The following NAA11 variants were observed in gnomAD, a reference collection of about 807,000 sequenced individuals.
NAA11 encodes N-alpha-acetyltransferase 11.
A neutral mutation model predicts 16.1 loss-of-function variants in NAA11; 15 were observed. The observed-to-expected ratio is 0.93, with a 90% CI of 0.62 to 1.44. The LOEUF is 1.44. Ranked by LOEUF, NAA11 falls within the 40% of genes most tolerant of loss-of-function variation. The pLI, the probability that NAA11 is intolerant of heterozygous loss-of-function variation, is 0.00. For synonymous variants in NAA11, 122 were observed against 112.4 expected (o/e 1.09, Z -0.54); for missense variants, 298 against 291.3 (o/e 1.02, Z -0.17).
At chr4:79,319,220 G>A (rs933672920) in intron 1 of NAA11, among the ~76,000 whole-genome samples, 1 of 152,146 alleles carries the variant, frequency 6.6e-6, no homozygotes, top group Admixed American at 6.5e-5. Flanking sequence ...GAGCCGCTGT[G>A]CCCACCCCAA....
chr4:79,282,900 G>A (rs769856353), intron 2 of NAA11, among the ~76,000 whole-genome samples: 5 of 152,022 alleles, frequency 3.3e-5, no homozygotes, highest in Admixed American at 6.6e-5. Flanking sequence ...GAGGCTTTCC[G>A]GTATTTCAAA....
chr4:79,171,468 A>G, the NAA11 span, among the ~76,000 whole-genome samples: 1 of 152,174 alleles, frequency 6.6e-6, no homozygotes, highest in East Asian at 1.9e-4. Context: ...GTTCTTTATA[A>G]ATTACCCAGT....
chr4:79,248,328 C>A (rs916308008), intron 2 of NAA11, among the ~76,000 whole-genome samples: 1 of 152,108 alleles, frequency 6.6e-6, no homozygotes, highest in Non-Finnish European at 1.5e-5. Flanking sequence ...ACACACACAC[C>A]CATAACCAAC....
intron 2 of NAA11, among the ~76,000 whole-genome samples, chr4:79,241,316 C>A (rs564489950): frequency 1.3e-5 from 2 of 152,140 alleles, no homozygotes; most frequent in Non-Finnish European, 2.9e-5. Flanking sequence ...ATATAACATA[C>A]AAAATATACG....
Position 79,245,341 on chromosome 4 carries a change from G to A in NAA11, c.*123-19071C>T, listed in dbSNP as rs187584999. ...ACCCATCATCTGGGATGTGGGGAGC[G>A]CCTCTGCCCGGCCGCCCTGTCTGGG... On this transcript the variant is annotated intron_variant and NMD_transcript_variant, in intron 2 of 2. Coordinates refer to the NAA11 transcript ENST00000511542. 378 of 152,500 alleles carry A rather than the reference G, an allele frequency of 2.5e-3. 3 individuals are homozygous for A. The highest frequency in any genetic ancestry group is 8.7e-3 in the African/African-American group (349 of 40,092). 9.4% of individuals were successfully genotyped at this position (152,500 alleles called of 1,614,324 possible). A position where few individuals can be genotyped will look rare whatever the true frequency, so the allele number is the denominator to read the frequency against.
At chr4:79,229,952 A>G (rs1721417053) in intron 2 of NAA11, among the ~76,000 whole-genome samples, 2 of 151,960 alleles carry the variant, frequency 1.3e-5, no homozygotes, top group Admixed American at 6.6e-5. Context: ...TACCTAGTCT[A>G]TATTTTCTAT....
At chr4:79,162,690 T>C in the NAA11 span, among the ~76,000 whole-genome samples, 1 of 152,234 alleles carries the variant, frequency 6.6e-6, no homozygotes, top group South Asian at 2.1e-4. Context: ...CTGAGTCAAC[T>C]TGAGATTATA....
At chr4:79,159,217 C>A in the NAA11 span, among the ~76,000 whole-genome samples, 1 of 152,114 alleles carries the variant, frequency 6.6e-6, no homozygotes, top group East Asian at 1.9e-4. Flanking sequence ...GCAGAATCTA[C>A]AAGGAACTCA....
intron 2 of NAA11, among the ~76,000 whole-genome samples, chr4:79,246,132 G>A (rs1387132367): frequency 6.6e-6 from 1 of 152,100 alleles, no homozygotes; most frequent in East Asian, 1.9e-4. Flanking sequence ...AATGGATTAA[G>A]GGCAGTGCAA....
At chr4:79,207,638 G>A in the NAA11 span, among the ~76,000 whole-genome samples, 2 of 152,100 alleles carry the variant, frequency 1.3e-5, no homozygotes, top group African/African-American at 4.8e-5. Context: ...GGCAGCCTGA[G>A]CAGACTAATA....
chr4:79,202,235 A>T, the NAA11 span, among the ~76,000 whole-genome samples: 2 of 151,550 alleles, frequency 1.3e-5, no homozygotes, highest in Non-Finnish European at 3.0e-5. Flanking sequence ...AAAATGTGGA[A>T]TGTATGTATA....
In NAA11 at chr4:79,243,349, T is replaced by C. The variant is rs577612818; in HGVS notation, c.*123-17079A>G. Among the ~76,000 whole-genome samples the C allele has an allele frequency of 4.9e-4, 75 of 152,352 alleles. 1 individual carries two copies. The highest frequency in any genetic ancestry group is 7.5e-4 in the Non-Finnish European group (51 of 68,034). On this transcript the variant is annotated intron_variant and NMD_transcript_variant, in intron 2 of 2. Coordinates refer to the NAA11 transcript ENST00000511542. ...TTTCCTCAATTATCTTGAAAAGATC[T>C]TGACAAAATTGTCATATGGGATTCA...
chr4:79,180,998 C>T, the NAA11 span, among the ~76,000 whole-genome samples: 1 of 151,988 alleles, frequency 6.6e-6, no homozygotes, highest in Non-Finnish European at 1.5e-5. Flanking sequence ...CCAAACACCG[C>T]ATGTTCTCAC....
At chr4:79,240,682 C>T (rs1721672070) in intron 2 of NAA11, among the ~76,000 whole-genome samples, 1 of 152,006 alleles carries the variant, frequency 6.6e-6, no homozygotes, top group Admixed American at 6.6e-5. Context: ...GCTTCTTATG[C>T]CACTGAAAAA....
intron 2 of NAA11, among the ~76,000 whole-genome samples, chr4:79,248,909 G>A (rs1016759663): frequency 6.6e-6 from 1 of 152,204 alleles, no homozygotes; most frequent in Non-Finnish European, 1.5e-5. Flanking sequence ...AGTGATTACA[G>A]ATCCCACTAC....
the NAA11 span, among the ~76,000 whole-genome samples, chr4:79,209,109 C>T: frequency 1.3e-5 from 2 of 151,926 alleles, no homozygotes; most frequent in Non-Finnish European, 2.9e-5. Context: ...GTGAGAAGTT[C>T]GTGGGCTGAA....
chr4:79,193,361 T>C, the NAA11 span, among the ~76,000 whole-genome samples: 1 of 152,204 alleles, frequency 6.6e-6, no homozygotes, highest in South Asian at 2.1e-4. Flanking sequence ...GTTTTAGGTC[T>C]AACATGTAAG....
intron 2 of NAA11, among the ~76,000 whole-genome samples, chr4:79,234,524 T>C (rs529304605): frequency 1.3e-5 from 2 of 152,290 alleles, no homozygotes; most frequent in East Asian, 3.9e-4. Context: ...ACCTTTGTTT[T>C]TGGGTTCATG....
chr4:79,247,563 C>A (rs547705838), intron 2 of NAA11, among the ~76,000 whole-genome samples: 5 of 152,220 alleles, frequency 3.3e-5, no homozygotes, highest in African/African-American at 1.2e-4. Flanking sequence ...ACATAGCCAA[C>A]TAAATACAGC....
Sources: allele counts gnomAD v4.1 joint callset (sites outside exome capture counted in the v4.1 genomes callset), GRCh38; gene constraint gnomAD v4.1.1; transcripts MANE v1.5; gene names NCBI Gene and HGNC (gene_info 2026-07-23, HGNC 2026-07-21).